The following CLASP1 variants were observed in gnomAD, a reference collection of about 807,000 sequenced individuals.
The protein encoded by CLASP1 is CLIP-associating protein 1.
CLASP1 carries 38 observed loss-of-function variants against 192.3 expected under a neutral mutation model. The ratio of observed to expected loss-of-function variants is 0.20; its 90% CI spans 0.15 to 0.26. The LOEUF (loss-of-function observed/expected upper bound fraction) is 0.26. CLASP1 is among the 10% of genes least tolerant of loss of function. The probability of loss-of-function intolerance (pLI) is 1.00; values close to 1 mark genes in which losing one functional copy is unlikely to be tolerated. For synonymous variants in CLASP1, 691 were observed against 712.8 expected (o/e 0.97, Z 0.49); for missense variants, 1,433 against 1,932.5 (o/e 0.74, Z 4.85).
intron 34 of CLASP1, among the ~76,000 whole-genome samples, chr2:121,374,378 G>C (rs1471622754): frequency 6.6e-6 from 1 of 152,238 alleles, no homozygotes; most frequent in East Asian, 1.9e-4. Context: ...TCTGCTGCAG[G>C]GGCAGAGCCC....
chr2:121,645,507 T>C (rs2073023239), intron 1 of CLASP1, among the ~76,000 whole-genome samples: 2 of 152,234 alleles, frequency 1.3e-5, no homozygotes, highest in African/African-American at 2.4e-5. Flanking sequence ...AGGATACATT[T>C]GTTTATTCTT....
chr2:121,401,385 T>G (rs755720995), intron 28 of CLASP1, 124 bp downstream of exon 29: 5 of 683,924 alleles, frequency 7.3e-6, no homozygotes, highest in Non-Finnish European at 1.2e-5. Context: ...CAACAGAAAG[T>G]GAGAACTGAG....
At chr2:121,518,231 C>CAAAAA (rs35409200) in intron 6 of CLASP1, among the ~76,000 whole-genome samples, 7 of 49,576 alleles carry the variant, frequency 1.4e-4, no homozygotes, top group African/African-American at 2.8e-4. Context: ...ACCCCCGTCT[C>CAAAAA]AAAAAAAAAA....
chr2:121,638,345 A>G (rs1396535506), intron 1 of CLASP1, among the ~76,000 whole-genome samples: 1 of 152,198 alleles, frequency 6.6e-6, no homozygotes, highest in Admixed American at 6.5e-5. Flanking sequence ...GAGAATGTGG[A>G]GAAACTGGAA....
At chr2:121,507,589 G>A (rs903118582) in intron 7 of CLASP1, among the ~76,000 whole-genome samples, 9 of 152,094 alleles carry the variant, frequency 5.9e-5, no homozygotes, top group South Asian at 2.1e-4. Flanking sequence ...CATCTACCAC[G>A]TTGAAAAATT....
intron 38 of CLASP1, 70 bp downstream of exon 39, chr2:121,348,442 C>T: frequency 7.3e-7 from 1 of 1,374,108 alleles, no homozygotes; most frequent in South Asian, 1.3e-5. Flanking sequence ...GAGCACAAAG[C>T]CCTTACATTA....
intron 37 of CLASP1, among the ~76,000 whole-genome samples, chr2:121,355,728 T>C (rs2065266252): frequency 6.6e-6 from 1 of 152,096 alleles, no homozygotes; most frequent in Non-Finnish European, 1.5e-5. Context: ...AGAGCAAAAG[T>C]CAACATGGGC....
At chr2:121,580,157 G>A (rs1280627746) in intron 2 of CLASP1, among the ~76,000 whole-genome samples, 11 of 152,156 alleles carry the variant, frequency 7.2e-5, no homozygotes, top group African/African-American at 2.7e-4. Context: ...TTTATTGTGA[G>A]CAGAATTCCA....
At chr2:121,351,142 G>C (rs1378966679) in intron 37 of CLASP1, among the ~76,000 whole-genome samples, 1 of 152,132 alleles carries the variant, frequency 6.6e-6, no homozygotes, top group Non-Finnish European at 1.5e-5. Context: ...CCGTGGTACA[G>C]CCAGCGCCAT....
At chr2:121,513,305 T>C (rs367854896) in intron 7 of CLASP1, among the ~76,000 whole-genome samples, 1 of 152,228 alleles carries the variant, frequency 6.6e-6, no homozygotes, top group East Asian at 1.9e-4. Flanking sequence ...AGGGTGTGGG[T>C]CCATTTCCCT....
chr2:121,478,716 A>ACACAC (rs2092034627), intron 8 of CLASP1, among the ~76,000 whole-genome samples: 3 of 23,582 alleles, frequency 1.3e-4, no homozygotes, highest in Non-Finnish European at 2.6e-4. Context: ...CCACACACAC[A>ACACAC]ACCACACACA....
intron 8 of CLASP1, chr2:121,490,249 T>C: frequency 4.5e-6 from 2 of 447,892 alleles, no homozygotes; most frequent in Middle Eastern, 6.6e-4. Context: ...TAAACACTTT[T>C]CAGAATATAT....
rs1041304834 is a variant in CLASP1 at position 121,575,117 on chromosome 2, C to CT, written c.195+30583dup. On this transcript the variant is annotated intron_variant, in intron 2 of 39. Coordinates refer to ENST00000263710, the Ensembl canonical transcript of CLASP1. Reference sequence around the variant, plus strand: ...ATTTCTGTCAATTAAAAATACATTTCTTTTTTTTCCTTTGAGACAAGTCTC... The same window carrying CT: ...ATTTCTGTCAATTAAAAATACATTTCTTTTTTTTTCCTTTGAGACAAGTCTC... Among the ~76,000 whole-genome samples the CT allele has an allele frequency of 5.9e-5, 9 of 151,912 alleles. 1 individual carries two copies. Among genetic ancestry groups the CT allele is most frequent in the Admixed American group, 2.0e-4 (3 of 15,236 alleles).
intron 1 of CLASP1, among the ~76,000 whole-genome samples, chr2:121,637,664 T>C (rs1184069061): frequency 1.3e-5 from 2 of 152,116 alleles, no homozygotes; most frequent in Non-Finnish European, 2.9e-5. Flanking sequence ...GGCAGGTGGA[T>C]CACCCAAGGT....
chr2:121,435,277 T>A (rs1220841056), intron 19 of CLASP1, among the ~76,000 whole-genome samples: 5 of 152,180 alleles, frequency 3.3e-5, no homozygotes, highest in African/African-American at 1.2e-4. Flanking sequence ...CTTCTTTTTC[T>A]TTTTTTCTTT....
intron 8 of CLASP1, among the ~76,000 whole-genome samples, chr2:121,471,860 G>A (rs927653729): frequency 6.6e-6 from 1 of 152,084 alleles, no homozygotes; most frequent in Admixed American, 6.6e-5. Context: ...TAGACTTCCC[G>A]TGGATTCAGA....
chr2:121,625,020 G>A (rs2068057837), intron 1 of CLASP1, among the ~76,000 whole-genome samples: 1 of 152,148 alleles, frequency 6.6e-6, no homozygotes, highest in African/African-American at 2.4e-5. Flanking sequence ...TATGGTCAGA[G>A]AACATAGTAT....
intron 23 of CLASP1, among the ~76,000 whole-genome samples, chr2:121,412,799 T>A (rs546507721): frequency 6.6e-6 from 1 of 152,218 alleles, no homozygotes; most frequent in Non-Finnish European, 1.5e-5. Flanking sequence ...GAAATGTTTA[T>A]CTGGATCTAA....
At chr2:121,351,205 A>G (rs2064327447) in intron 37 of CLASP1, among the ~76,000 whole-genome samples, 3 of 152,112 alleles carry the variant, frequency 2.0e-5, no homozygotes, top group Admixed American at 2.0e-4. Context: ...CTTCTGCTGA[A>G]CTACAAAACT....
Sources: gnomAD v4.1 joint callset for allele counts (sites outside exome capture counted in the v4.1 genomes callset) on GRCh38, gnomAD v4.1.1 for gene constraint, MANE v1.5 for transcripts, NCBI Gene and HGNC (gene_info 2026-07-23, HGNC 2026-07-21) for gene names.